Variants in RNF25 observed in about 807,000 individuals in gnomAD.
RNF25 encodes the protein ring finger protein 25.
RNF25 carries 32 observed loss-of-function variants against 65.0 expected under a neutral mutation model. The observed-to-expected ratio is 0.49, with a 90% confidence interval of 0.37 to 0.66. The LOEUF (loss-of-function observed/expected upper bound fraction) is 0.66. RNF25 is among the 30% of genes least tolerant of loss of function. RNF25 has a pLI of 0.00. For missense variants in RNF25, 493 were observed against 584.8 expected (o/e 0.84, Z 1.62); for synonymous variants, 207 against 221.2 (o/e 0.94, Z 0.57).
intron 1 of RNF25, among the ~76,000 whole-genome samples, chr2:218,669,507 G>C (rs1939903376): frequency 6.6e-6 from 1 of 152,188 alleles, no homozygotes; most frequent in African/African-American, 2.4e-5. Context: ...AGAGTACTCT[G>C]GATGTATTTA....
At position 218,664,442 on chromosome 2, in the gene RNF25, C is replaced by T. The variant is rs1939772891; in HGVS notation, c.895G>A (p.Ala299Thr). ...TLAAELSTSP[A>T]VQSTLPPPLP... ...GGAGGTGGCAAAGTGGATTGGACGG[C>T]TGGTGAGGTGGATAGTTCTGCTGCA... Residue 299 changes from alanine (A) to threonine (T), a missense_variant, in exon 10 of 10, where the codon GCC (alanine) becomes ACC (threonine). Physicochemically the swap from Ala to Thr is moderately conservative, Grantham distance 58. Coordinates refer to ENST00000295704, the MANE Select transcript of RNF25 (RefSeq NM_022453.3). The surrounding 1 kb of genome is among the most constrained non-coding windows in gnomAD (Gnocchi z 5.1). The T allele has an allele frequency of 6.2e-7, 1 of 1,614,030 alleles. No homozygotes were observed. The highest frequency in any genetic ancestry group is 1.3e-5 in the African/African-American group (1 of 74,908).
intron 8 of RNF25, 84 bp downstream of exon 8, chr2:218,665,071 C>T (rs1169977283): frequency 1.4e-6 from 2 of 1,471,916 alleles, no homozygotes; most frequent in Non-Finnish European, 1.9e-6. Flanking sequence ...TTCAGAGATC[C>T]CATTTGACAC....
rs1939768831 is a variant in RNF25 at position 218,664,349 on chromosome 2, C to T, written c.988G>A (p.Gly330Ser). 1.9e-6 allele frequency: 3 copies of T among 1,614,052 alleles called. No homozygotes were observed. Among genetic ancestry groups the T allele is most frequent in the Non-Finnish European group, 2.5e-6 (3 of 1,180,028 alleles). The change falls in exon 10 of 10, where the codon GGC (glycine) becomes AGC (serine). Residue 330 changes from glycine (G) to serine (S), a missense_variant. Gly to Ser is a moderately conservative substitution (Grantham distance 56). Transcript: ENST00000295704. The surrounding 1 kb of genome is among the most constrained non-coding windows in gnomAD (Gnocchi z 5.1). ...TCTAGCATAGCTTTCTGGGTTTCGCCCAACCTTTGCTGATTTGACCTGGTC... is the reference window on the plus strand; with the variant it reads ...TCTAGCATAGCTTTCTGGGTTTCGCTCAACCTTTGCTGATTTGACCTGGTC... ...PGTRSNQQRL[G>S]ETQKAMLDPP...
At position 218,668,586 on chromosome 2, in the gene RNF25, C is replaced by T. The variant is rs757821355; in HGVS notation, c.116+19G>A. The T allele has an allele frequency of 3.8e-5, 60 of 1,577,458 alleles. No individual in the cohort carries two copies. The highest frequency in any genetic ancestry group is 3.3e-4 in the Middle Eastern group (2 of 6,016). On this transcript the variant is annotated intron_variant, in intron 2 of 9. Transcript: ENST00000295704. ...TCATTACTAGGGGGACTCCTGCCCA[C>T]CACTGGTTGAATACATACCTGCCAT...
Position 218,667,927 on chromosome 2 carries a change from C to T in RNF25, c.342G>A (p.Leu114=), listed in dbSNP as rs779869937. 1 of 1,614,168 alleles carries T rather than the reference C, an allele frequency of 6.2e-7. No individual in the cohort carries two copies. Among genetic ancestry groups the T allele is most frequent in the South Asian group, 1.1e-5 (1 of 91,082 alleles). ...CACCTCTTACCTCAATGAGTTCATA[C>T]AGCATGGCAGTGCCCAGCCCAGCCT... ...VAKAGLGTAM[L]YELIEKGKEI... is the part of the protein sequence containing the mutation. Residue 114 remains leucine, a synonymous_variant, in exon 5 of 10, where the codon CTG becomes CTA. Coordinates refer to ENST00000295704, the MANE Select transcript of RNF25 (RefSeq NM_022453.3).
chr2:218,670,564 C>T lies in RNF25; in HGVS notation c.41+1366G>A, dbSNP rs531875297. Among the ~76,000 whole-genome samples, 9 of 151,914 alleles carry T rather than the reference C, an allele frequency of 5.9e-5. No homozygotes were observed. In the East Asian group the frequency reaches 1.4e-3, roughly 23 times the overall value. ...ACAAAAAATTAGCTGGGTGTGGTGG[C>T]GGGCGCCTGTAGTCCCAGCTACTCG... On this transcript the variant is annotated intron_variant, in intron 1 of 9. Transcript: ENST00000295704.
At chr2:218,670,916 T>C (rs1426930823) in intron 1 of RNF25, among the ~76,000 whole-genome samples, 1 of 152,160 alleles carries the variant, frequency 6.6e-6, no homozygotes, top group African/African-American at 2.4e-5. Context: ...CTCACGCCTG[T>C]AATTCCAGCA....
chr2:218,669,403 T>A (rs1939901170), intron 1 of RNF25, among the ~76,000 whole-genome samples: 1 of 152,236 alleles, frequency 6.6e-6, no homozygotes, highest in African/African-American at 2.4e-5. Flanking sequence ...TACCTAATAG[T>A]ATCTGGGCTA....
chr2:218,670,716 A>T (rs1304389340), intron 1 of RNF25, among the ~76,000 whole-genome samples: 1 of 151,462 alleles, frequency 6.6e-6, no homozygotes, highest in Non-Finnish European at 1.5e-5. Context: ...AAAAAAAAAA[A>T]AAAAATTGGG....
rs1336364567 is a variant in RNF25, at chr2:218,664,762, G to T, written c.778C>A (p.Arg260=). Reference sequence around the variant, plus strand: ...ACCTGCTGAAGGCTGATGAAGTATCGGTTTCGCTCAGCCTCAAGGTCAATG... The same window carrying T: ...ACCTGCTGAAGGCTGATGAAGTATCTGTTTCGCTCAGCCTCAAGGTCAATG... ...GIIDLEAERN[R]YFISLQQPPA... is the part of the protein sequence containing the mutation. Residue 260 remains arginine (R), a synonymous_variant, in exon 9 of 10, where the codon CGA becomes AGA. Transcript: ENST00000295704. The surrounding 1 kb of genome is among the most constrained non-coding windows in gnomAD (Gnocchi z 5.1). 6.2e-7 allele frequency: 1 copy of T among 1,614,234 alleles called. No homozygotes were observed.
intron 2 of RNF25, 51 bp downstream of exon 2, chr2:218,668,554 C>A: frequency 7.6e-7 from 1 of 1,322,032 alleles, no homozygotes; most frequent in Non-Finnish European, 1.1e-6. Context: ...CAGCATAGAA[C>A]CTCTCCTCAT....
In RNF25 at chr2:218,664,072, C is replaced by T. The variant is rs116018821; in HGVS notation, c.1265G>A (p.Arg422His). ...RRTRDCVRWE[R>H]SKGRTPGSSY... ...AGAACCGGGTGTCCGGCCTTTAGAG[C>T]GCTCCCAGCGAACACAGTCCCGAGT... Residue 422 changes from arginine (R) to histidine (H), a missense_variant, in exon 10 of 10, where the codon CGC (arginine) becomes CAC (histidine). Arg to His is a conservative substitution (Grantham distance 29). Around this residue, in one of 3 missense-constraint regions of RNF25, gnomAD observed 351 missense variants for 400.2 expected, o/e 0.88. Transcript: ENST00000295704. The surrounding 1 kb of genome is among the most constrained non-coding windows in gnomAD (Gnocchi z 5.1). 39 of 1,509,326 alleles carry T rather than the reference C, an allele frequency of 2.6e-5. No individual in the cohort carries two copies. Among genetic ancestry groups the T allele is most frequent in the African/African-American group, 1.5e-4 (11 of 71,704 alleles). 93.5% of individuals were successfully genotyped at this position (1,509,326 alleles called of 1,614,324 possible). A position where few individuals can be genotyped will look rare whatever the true frequency, so the allele number is the denominator to read the frequency against.
intron 2 of RNF25, 40 bp from the exon 3 acceptor site, chr2:218,668,381 AG>A (rs1425488477): frequency 1.6e-6 from 1 of 633,366 alleles, no homozygotes; most frequent in Non-Finnish European, 2.6e-6. Flanking sequence ...GTGACTGGGT[AG>A]GGGCTTGGGG....
chr2:218,666,109 C>T (rs1488075898), intron 6 of RNF25, 50 bp from the exon 7 acceptor site: 2 of 1,611,556 alleles, frequency 1.2e-6, no homozygotes, highest in Admixed American at 3.3e-5. Context: ...TCTCACAGCC[C>T]TCATCTGCTG....
chr2:218,670,634 T>C (rs1939933749), intron 1 of RNF25, among the ~76,000 whole-genome samples: 1 of 139,088 alleles, frequency 7.2e-6, no homozygotes, highest in African/African-American at 2.8e-5. Context: ...AGGCGGAGCT[T>C]GCAGTGAACC....
rs768255952 is a variant in RNF25 at position 218,664,404 on chromosome 2, C to T, written c.933G>A (p.Ala311=). Residue 311 remains alanine (A), a synonymous_variant, in exon 10 of 10, where the codon GCG becomes GCA. Transcript: ENST00000295704. The surrounding 1 kb of genome is among the most constrained non-coding windows in gnomAD (Gnocchi z 5.1). ...QSTLPPPLPV[A]TQHICEKIPG... ...GAATCTTCTCACATATGTGCTGGGT[C>T]GCCACAGGCAGAGGAGGTGGCAAAG... The T allele has an allele frequency of 3.7e-5, 59 of 1,613,984 alleles. No individual in the cohort carries two copies. The highest frequency in any genetic ancestry group is 6.7e-5 in the East Asian group (3 of 44,882).
rs746747613 is a variant in RNF25, at chr2:218,664,217, G to T, written c.1120C>A (p.Pro374Thr). 4 of 1,597,980 alleles carry T rather than the reference G, an allele frequency of 2.5e-6. No homozygotes were observed. Among genetic ancestry groups the T allele is most frequent in the Non-Finnish European group, 3.4e-6 (4 of 1,172,544 alleles). ...GGCTCCTTGAGGGGCCCCTCAGGAG[G>T]TGGCAGTTCCTGGGTGTCACGGGTA... ...KGTRDTQELP[P>T]PEGPLKEPMD... Residue 374 changes from proline to threonine, a missense_variant, in exon 10 of 10, where the codon CCT (proline) becomes ACT (threonine). Pro to Thr is a conservative substitution (Grantham distance 38). Around this residue, in one of 3 missense-constraint regions of RNF25, gnomAD observed 351 missense variants for 400.2 expected, o/e 0.88. Transcript: ENST00000295704. The surrounding 1 kb of genome is among the most constrained non-coding windows in gnomAD (Gnocchi z 5.1).
intron 7 of RNF25, 22 bp from the exon 8 acceptor site, chr2:218,665,269 T>C: frequency 6.2e-7 from 1 of 1,608,098 alleles, no homozygotes. Context: ...AAAAATCATA[T>C]GCCTGTGTCA....
At chr2:218,666,501 G>T (rs938240778) in intron 5 of RNF25, among the ~76,000 whole-genome samples, 1 of 152,032 alleles carries the variant, frequency 6.6e-6, no homozygotes, top group Non-Finnish European at 1.5e-5. Flanking sequence ...ATATATCTTG[G>T]AGATGAAAAT....
Sources: gnomAD v4.1 joint callset for allele counts (sites outside exome capture counted in the v4.1 genomes callset) on GRCh38, gnomAD v4.1.1 for gene constraint, gnomAD v4.1.1 regional missense constraint, Gnocchi (gnomAD v3.1) non-coding constraint, MANE v1.5 for transcripts, NCBI Gene and HGNC (gene_info 2026-07-23, HGNC 2026-07-21) for gene names.